The following IL16 variants were observed in gnomAD, a reference collection of about 807,000 sequenced individuals.
IL16 encodes the protein interleukin 16.
In IL16, 67 loss-of-function variants were observed where a neutral mutation model predicts 110.1. That is an observed-to-expected ratio of 0.61 (90% CI 0.50 to 0.75). The LOEUF is 0.75. Among genes scored for constraint, IL16 ranks in the 30% least tolerant of loss-of-function variants. IL16 has a pLI of 0.00. For missense variants in IL16, 1,545 were observed against 1,655.0 expected (o/e 0.93, Z 1.15); for synonymous variants, 689 against 662.9 (o/e 1.04, Z -0.61).
intron 2 of IL16, among the ~76,000 whole-genome samples, chr15:81,231,326 CTCTCTCTCTCTCT>C (rs1567008628): frequency 2.0e-4 from 13 of 66,000 alleles, no homozygotes; most frequent in African/African-American, 1.1e-3. Context: ...GTCGGTCTGT[CTCTCTCTCTCTCT>C]CTCTCTCTCT....
Position 81,298,015 on chromosome 15 carries a change from C to T in IL16, c.2053+937C>T, listed in dbSNP as rs377529599. Reference sequence around the variant, plus strand: ...GGTGGAGGCTCCTCTCCCTTAGTCACCCTAATTGAGGAACATTCTAGCAAA... The same window carrying T: ...GGTGGAGGCTCCTCTCCCTTAGTCATCCTAATTGAGGAACATTCTAGCAAA... On this transcript the variant is annotated intron_variant, in intron 13 of 18. Coordinates refer to ENST00000683961, the MANE Select transcript of IL16 (RefSeq NM_172217.5). Among the ~76,000 whole-genome samples, 138 of 152,318 alleles carry T rather than the reference C, an allele frequency of 9.1e-4. 1 individual carries two copies. In the Middle Eastern group the frequency reaches 0.01, roughly 11 times the overall value.
chr15:81,184,181 G>C (rs1453164613), intron 1 of IL16, among the ~76,000 whole-genome samples: 1 of 152,176 alleles, frequency 6.6e-6, no homozygotes, highest in Admixed American at 6.5e-5. Flanking sequence ...ACTTGACCTG[G>C]TGTTTACTAG....
intron 3 of IL16, among the ~76,000 whole-genome samples, chr15:81,261,770 GA>G (rs904397621): frequency 3.3e-5 from 5 of 151,038 alleles, no homozygotes; most frequent in South Asian, 2.1e-4. Context: ...AAAATAGATG[GA>G]AAAAAAAAGT....
upstream of IL16, among the ~76,000 whole-genome samples, chr15:81,194,055 G>T (rs527645816): frequency 1.3e-5 from 2 of 152,110 alleles, no homozygotes; most frequent in African/African-American, 4.8e-5. Flanking sequence ...AATACAGTTC[G>T]CATGACCAAA....
At chr15:81,268,001 C>T (rs2142228017) in intron 4 of IL16, among the ~76,000 whole-genome samples, 1 of 152,372 alleles carries the variant, frequency 6.6e-6, no homozygotes, top group Middle Eastern at 3.4e-3. Flanking sequence ...AGAAAATTAA[C>T]CACCACGGAT....
rs984226635 is a variant in IL16 at position 81,185,771 on chromosome 15, C to T, written c.40+2875C>T. On this transcript the variant is annotated intron_variant, in intron 1 of 18. Transcript: ENST00000302987. ...GAACTGGCCTAGTCTGGCAGATCAG[C>T]GTGGGGCTTCCCTGAGGAGGTGCTA... 5.3e-5 allele frequency among the ~76,000 whole-genome samples: 8 copies of T among 152,058 alleles called. 1 individual carries two copies. Among genetic ancestry groups the T allele is most frequent in the Middle Eastern group, 6.3e-3 (2 of 316 alleles).
At chr15:81,250,347 T>C (rs1897725441) in intron 2 of IL16, among the ~76,000 whole-genome samples, 1 of 152,156 alleles carries the variant, frequency 6.6e-6, no homozygotes, top group Non-Finnish European at 1.5e-5. Context: ...TTTTATTTCT[T>C]TTTTATTTTA....
intron 4 of IL16, among the ~76,000 whole-genome samples, chr15:81,266,284 G>A (rs1178649874): frequency 2.0e-5 from 3 of 152,184 alleles, no homozygotes; most frequent in East Asian, 3.9e-4. Flanking sequence ...CTATAATCTA[G>A]TGACCTGCTT....
intron 3 of IL16, among the ~76,000 whole-genome samples, chr15:81,264,009 T>C (rs1024780154): frequency 2.0e-5 from 3 of 152,136 alleles, no homozygotes; most frequent in Non-Finnish European, 4.4e-5. Context: ...ACATACAGGT[T>C]TCCCCAGACC....
intron 1 of IL16, among the ~76,000 whole-genome samples, chr15:81,200,457 C>T (rs1423600119): frequency 6.6e-6 from 1 of 152,136 alleles, no homozygotes; most frequent in Non-Finnish European, 1.5e-5. Flanking sequence ...GCAGCCTTGA[C>T]TCCGTGAGCT....
At position 81,265,755 on chromosome 15, in the gene IL16, G is replaced by T. The variant is rs1389531132; in HGVS notation, c.518G>T (p.Arg173Met). 7 of 1,613,820 alleles carry T rather than the reference G, an allele frequency of 4.3e-6. No homozygotes were observed. Among genetic ancestry groups the T allele is most frequent in the Non-Finnish European group, 5.9e-6 (7 of 1,179,854 alleles). ...DRQPYSLCSNRKSLSQQLDCP... is the reference protein window; with the variant it reads ...DRQPYSLCSNMKSLSQQLDCP... ...CAGCCTTACTCTCTCTGCAGTAACA[G>T]GAAGTCCCTCTCTCAACAATTGGAC... Residue 173 changes from arginine (R) to methionine (M), a missense_variant, in exon 4 of 19, where the codon AGG (arginine) becomes ATG (methionine). Physicochemically the swap from Arg to Met is moderately conservative, Grantham distance 91. Transcript: ENST00000683961.
intron 1 of IL16, 92 bp from the exon 2 acceptor site, chr15:81,225,207 C>T (rs1896745957): frequency 9.3e-7 from 1 of 1,071,066 alleles, no homozygotes; most frequent in African/African-American, 1.6e-5. Context: ...TCACGGGCAC[C>T]AAGAACCCGT....
At chr15:81,211,267 G>C (rs972439259) in intron 1 of IL16, among the ~76,000 whole-genome samples, 1 of 95,890 alleles carries the variant, frequency 1.0e-5, no homozygotes, top group East Asian at 2.6e-4. Flanking sequence ...TTTTTTTTTT[G>C]TGAGACAGAG....
At chr15:81,285,134 A>T (rs1433266507) in intron 9 of IL16, among the ~76,000 whole-genome samples, 1 of 152,034 alleles carries the variant, frequency 6.6e-6, no homozygotes, top group Non-Finnish European at 1.5e-5. Flanking sequence ...CCTCACAACT[A>T]GAATGAATGC....
intron 1 of IL16, among the ~76,000 whole-genome samples, chr15:81,207,746 C>T (rs1896087528): frequency 6.6e-6 from 1 of 152,028 alleles, no homozygotes; most frequent in Admixed American, 6.6e-5. Context: ...GTGATACGTA[C>T]CACATTTTCT....
At chr15:81,216,100 G>T (rs1389969608) in intron 1 of IL16, among the ~76,000 whole-genome samples, 1 of 152,204 alleles carries the variant, frequency 6.6e-6, no homozygotes, top group African/African-American at 2.4e-5. Context: ...CTCCTGGCTG[G>T]AAGGTCAGCT....
At chr15:81,258,855 A>G (rs1434501339) in intron 2 of IL16, among the ~76,000 whole-genome samples, 1 of 152,180 alleles carries the variant, frequency 6.6e-6, no homozygotes, top group East Asian at 1.9e-4. Flanking sequence ...AATAAAACCA[A>G]TATAACTCAA....
intron 1 of IL16, 43 bp downstream of exon 1, chr15:81,197,195 G>C: frequency 2.4e-6 from 3 of 1,243,406 alleles, no homozygotes; most frequent in Non-Finnish European, 3.1e-6. Context: ...CCAGGTGGCC[G>C]TTACCGGAGG....
intron 15 of IL16, 23 bp downstream of exon 15, chr15:81,301,535 T>C (rs1441485186): frequency 2.5e-6 from 4 of 1,603,906 alleles, no homozygotes; most frequent in Non-Finnish European, 2.6e-6. Context: ...TGTAAGCATC[T>C]GCAGTAACCA....
Sources: gnomAD v4.1 joint callset for allele counts (sites outside exome capture counted in the v4.1 genomes callset) on GRCh38, gnomAD v4.1.1 for gene constraint, MANE v1.5 for transcripts, NCBI Gene and HGNC (gene_info 2026-07-23, HGNC 2026-07-21) for gene names.